PREX1: variants seen among roughly 807,000 people sequenced by gnomAD.
PREX1 encodes the protein phosphatidylinositol-3,4,5-trisphosphate dependent Rac exchange factor 1.
Under a neutral mutation model 198.3 loss-of-function variants are expected in PREX1, and 41 were observed. That is an observed-to-expected ratio of 0.21 (90% CI 0.16 to 0.27). The LOEUF (loss-of-function observed/expected upper bound fraction) is 0.27, where lower values mean the gene tolerates loss of function less well. Ranked by LOEUF, PREX1 falls within the 10% of genes least tolerant of loss-of-function variation. The pLI, the probability that PREX1 is intolerant of heterozygous loss-of-function variation, is 1.00. For synonymous variants in PREX1, 843 were observed against 887.2 expected (o/e 0.95, Z 0.89); for missense variants, 1,620 against 2,200.7 (o/e 0.74, Z 5.28).
intron 1 of PREX1, among the ~76,000 whole-genome samples, chr20:48,767,773 T>G (rs1249301700): frequency 2.0e-5 from 3 of 152,108 alleles, no homozygotes; most frequent in Non-Finnish European, 4.4e-5. Flanking sequence ...TCAGGGACTT[T>G]GCACGTGCTG....
At chr20:48,661,605 G>A (rs1314442708) in intron 15 of PREX1, among the ~76,000 whole-genome samples, 1 of 145,978 alleles carries the variant, frequency 6.9e-6, no homozygotes, top group African/African-American at 2.6e-5. Flanking sequence ...CCAGGAAAAT[G>A]AATAAAAATA....
chr20:48,680,547 G>A (rs995368094), intron 11 of PREX1, among the ~76,000 whole-genome samples: 2 of 151,870 alleles, frequency 1.3e-5, no homozygotes, highest in East Asian at 1.9e-4. Context: ...CTCCTACCAC[G>A]CCCCCTCCTC....
chr20:48,675,932 G>A (rs1194273694), intron 14 of PREX1, among the ~76,000 whole-genome samples: 1 of 151,990 alleles, frequency 6.6e-6, no homozygotes, highest in Non-Finnish European at 1.5e-5. Flanking sequence ...AGCTACTTGG[G>A]AGGCTGAGGC....
chr20:48,771,339 C>T (rs1339277353), intron 1 of PREX1, among the ~76,000 whole-genome samples: 1 of 151,470 alleles, frequency 6.6e-6, no homozygotes, highest in Non-Finnish European at 1.5e-5. Context: ...GGGATTTTCC[C>T]CCCATGCTTA....
chr20:48,657,172 A>C lies in PREX1; in HGVS notation c.1991T>G (p.Val664Gly). ...GSLAEVAGLQ[V>G]GRKIYSINED... ...ATTGATGGAGTAGATCTTCCTCCCC[A>C]CCTGCAGGCCAGCCACCTGGGTAGG... is the stretch of plus-strand genomic sequence containing the variant. Residue 664 changes from valine to glycine, a missense_variant, in exon 18 of 40, where the codon GTG becomes GGG. This residue lies in a region of PREX1 where 488 missense variants were observed against 802.5 expected (regional missense o/e 0.61). Coordinates refer to ENST00000371941, the MANE Select transcript of PREX1 (RefSeq NM_020820.4). 6.2e-7 allele frequency: 1 copy of C among 1,613,578 alleles called. No homozygotes were observed. The highest frequency in any genetic ancestry group is 2.2e-5 in the East Asian group (1 of 44,894).
In PREX1 at chr20:48,741,702, C is replaced by T. The variant is rs566159893; in HGVS notation, c.414+3323G>A. Among the ~76,000 whole-genome samples, 11 of 152,204 alleles carry T rather than the reference C, an allele frequency of 7.2e-5. No homozygotes were observed. The East Asian group carries it at 1.7e-3, about 24-fold the overall frequency. ...AGAATGACAGAGTAGGGGAGGGGCGCGGAAGGGCAGGAGTGCAGCAACTTA... is the reference window on the plus strand; with the variant it reads ...AGAATGACAGAGTAGGGGAGGGGCGTGGAAGGGCAGGAGTGCAGCAACTTA... On this transcript the variant is annotated intron_variant, in intron 3 of 39. Coordinates refer to ENST00000371941, the MANE Select transcript of PREX1 (RefSeq NM_020820.4).
chr20:48,829,116 C>A (rs992766554), upstream of PREX1, among the ~76,000 whole-genome samples: 1 of 152,196 alleles, frequency 6.6e-6, no homozygotes, highest in African/African-American at 2.4e-5. Flanking sequence ...CTAGAAAGTT[C>A]TCTGTAAATG....
At chr20:48,723,003 T>A (rs2089992838) in intron 5 of PREX1, among the ~76,000 whole-genome samples, 1 of 152,256 alleles carries the variant, frequency 6.6e-6, no homozygotes, top group Admixed American at 6.5e-5. Context: ...ATCATTCCCC[T>A]GGCAACGTGA....
At chr20:48,636,278 C>G (rs979276021) in intron 32 of PREX1, among the ~76,000 whole-genome samples, 185 bp downstream of exon 32, 12 of 152,264 alleles carry the variant, frequency 7.9e-5, no homozygotes, top group African/African-American at 2.2e-4. Context: ...TACAGGGACT[C>G]TGTTTTGTTC....
chr20:48,850,905 C>T, the PREX1 span, among the ~76,000 whole-genome samples: 3 of 152,164 alleles, frequency 2.0e-5, no homozygotes, highest in Non-Finnish European at 4.4e-5. Flanking sequence ...TCCAGCCCCC[C>T]GCCCCCTGCC....
intron 15 of PREX1, among the ~76,000 whole-genome samples, chr20:48,661,444 A>AAAAAAAAAAAATATATATATATAT (rs1555832820): frequency 2.0e-5 from 1 of 49,596 alleles, no homozygotes; most frequent in Non-Finnish European, 3.1e-5. Context: ...AAAAAAAAAA[A>AAAAAAAAAAAATATATATATATAT]ATATATATAT....
chr20:48,704,056 A>T (rs915505014), intron 6 of PREX1, among the ~76,000 whole-genome samples: 4 of 152,198 alleles, frequency 2.6e-5, no homozygotes, highest in Non-Finnish European at 5.9e-5. Flanking sequence ...AGGGGCGGCC[A>T]CATGCCACGC....
At chr20:48,656,342 A>C in intron 18 of PREX1, 2 of 383,650 alleles carry the variant, frequency 5.2e-6, no homozygotes, top group Admixed American at 3.0e-5. Flanking sequence ...TGCCCCTGAC[A>C]ATCTGAGCTC....
the PREX1 span, among the ~76,000 whole-genome samples, chr20:48,879,862 G>A: frequency 6.6e-6 from 1 of 152,106 alleles, no homozygotes; most frequent in Non-Finnish European, 1.5e-5. Context: ...CTACATCATG[G>A]TCATATTTGT....
At chr20:48,673,542 T>C (rs1457868372) in intron 14 of PREX1, among the ~76,000 whole-genome samples, 3 of 152,082 alleles carry the variant, frequency 2.0e-5, no homozygotes, top group Admixed American at 2.0e-4. Flanking sequence ...TCCACAGCAG[T>C]AAGAAGTGGG....
At chr20:48,643,071 G>A (rs940724809) in intron 27 of PREX1, among the ~76,000 whole-genome samples, 5 of 152,216 alleles carry the variant, frequency 3.3e-5, no homozygotes, top group African/African-American at 7.2e-5. Flanking sequence ...GGGTGGGGGG[G>A]AGACTTGTCA....
chr20:48,661,469 AC>A (rs2089594137), intron 15 of PREX1, among the ~76,000 whole-genome samples: 1 of 87,180 alleles, frequency 1.1e-5, no homozygotes. Context: ...ATATATATAT[AC>A]ACACACATAT....
intron 1 of PREX1, among the ~76,000 whole-genome samples, chr20:48,758,724 C>T (rs1193861547): frequency 6.6e-6 from 1 of 152,204 alleles, no homozygotes; most frequent in Non-Finnish European, 1.5e-5. Flanking sequence ...AACAGCATTG[C>T]GTGTATCTGA....
intron 1 of PREX1, among the ~76,000 whole-genome samples, chr20:48,813,774 G>A (rs1440130085): frequency 6.6e-6 from 1 of 152,164 alleles, no homozygotes; most frequent in East Asian, 1.9e-4. Flanking sequence ...TTGGTTTTGT[G>A]CCTAGACTGC....
Sources: allele counts gnomAD v4.1 joint callset (sites outside exome capture counted in the v4.1 genomes callset), GRCh38; gene constraint gnomAD v4.1.1; regional missense constraint gnomAD v4.1.1; transcripts MANE v1.5; gene names NCBI Gene and HGNC (gene_info 2026-07-23, HGNC 2026-07-21).